The following PAX9 variants were observed in gnomAD, a reference collection of about 807,000 sequenced individuals.
The protein encoded by PAX9 is paired box protein Pax-9.
Under a neutral mutation model 29.1 loss-of-function variants are expected in PAX9, and 6 were observed. The observed-to-expected ratio is 0.21, with a 90% confidence interval of 0.11 to 0.41. The LOEUF is 0.41. PAX9 is among the 10% of genes least tolerant of loss of function. The pLI, the probability that PAX9 is intolerant of heterozygous loss-of-function variation, is 1.00. For missense variants in PAX9, 443 were observed against 479.1 expected (o/e 0.92, Z 0.70); for synonymous variants, 217 against 211.7 (o/e 1.03, Z -0.22).
chr14:36,667,842 C>T (rs1056648040), intron 3 of PAX9, among the ~76,000 whole-genome samples: 1 of 152,164 alleles, frequency 6.6e-6, no homozygotes, highest in Non-Finnish European at 1.5e-5. Context: ...TTGTCATTTT[C>T]TTTTACTAAA....
chr14:36,672,852 C>CATTTTTTTTTTTTT, intron 3 of PAX9, among the ~76,000 whole-genome samples: 1 of 19,146 alleles, frequency 5.2e-5, no homozygotes. Context: ...TTCTTTCTTC[C>CATTTTTTTTTTTTT]TTTTTTTTTT....
chr14:36,657,822 C>G (rs867323338), upstream of PAX9: 9 of 152,252 alleles, frequency 5.9e-5, no homozygotes, highest in African/African-American at 2.2e-4. Flanking sequence ...ATCTTCCGGC[C>G]GAGCTCTGCT....
upstream of PAX9, among the ~76,000 whole-genome samples, chr14:36,659,279 G>T (rs907819021): frequency 6.6e-6 from 1 of 152,162 alleles, no homozygotes; most frequent in African/African-American, 2.4e-5. Flanking sequence ...CATTCATCGG[G>T]ACTGACCAGA....
rs752738994 is a variant in PAX9, at chr14:36,663,571, C to G, written c.631+48C>G. 1.1e-5 allele frequency: 17 copies of G among 1,608,556 alleles called. No individual in the cohort carries two copies. In the African/African-American group the frequency reaches 2.0e-4, roughly 19 times the overall value. ...TGTGGATGTGCAGCGTCTGCCCCCG[C>G]ACTCTCGCGGAGGTCCCAGTATCTG... is the stretch of plus-strand genomic sequence containing the variant. On this transcript the variant is annotated intron_variant, in intron 2 of 3. Transcript: ENST00000361487.
Position 36,679,330 on chromosome 14 carries a change from C to CAAA in PAX9, c.*2879_*2881dup. On this transcript the variant is annotated 3_prime_UTR_variant, in exon 4 of 4. Transcript: ENST00000361487. ...TCAAAAGCCTTTTATTTTTATACTTCAAATGCTCTAAATTAATAAAAAGTA... is the reference window on the plus strand; with the variant it reads ...TCAAAAGCCTTTTATTTTTATACTTCAAAAAATGCTCTAAATTAATAAAAAGTA... 1 of 970,016 alleles carries CAAA rather than the reference C, an allele frequency of 1.0e-6. No homozygotes were observed. 60.1% of individuals were successfully genotyped at this position (970,016 alleles called of 1,614,324 possible).
At chr14:36,662,233 C>T (rs974392700) in intron 1 of PAX9, 140 bp downstream of exon 1, 2 of 1,014,294 alleles carry the variant, frequency 2.0e-6, no homozygotes, top group Non-Finnish European at 2.8e-6. Flanking sequence ...CGTGTTCCTA[C>T]AAGTTGTAGG....
intron 3 of PAX9, among the ~76,000 whole-genome samples, chr14:36,670,422 AT>A (rs145205333): frequency 0.013 from 1,990 of 152,178 alleles, 49 homozygotes; most frequent in African/African-American, 0.044. Context: ...TTACTTGCAC[AT>A]GCATTTGAAG....
chr14:36,662,795 G>A, intron 1 of PAX9, 102 bp from the exon 2 acceptor site: 1 of 1,413,390 alleles, frequency 7.1e-7, no homozygotes. Context: ...GTAGGGGACG[G>A]GTGCGTTCGC....
At chr14:36,671,048 G>A (rs1234056360) in intron 3 of PAX9, 3 of 435,084 alleles carry the variant, frequency 6.9e-6, no homozygotes, top group South Asian at 3.3e-5. Context: ...TTTATTTTCA[G>A]ATCCAAAACT....
At chr14:36,675,769 T>C (rs1881862738) in intron 3 of PAX9, among the ~76,000 whole-genome samples, 1 of 152,158 alleles carries the variant, frequency 6.6e-6, no homozygotes, top group Non-Finnish European at 1.5e-5. Context: ...ATGAAAGTTA[T>C]ACCAACCAGG....
At chr14:36,668,604 G>A (rs1289185845) in intron 3 of PAX9, among the ~76,000 whole-genome samples, 2 of 152,064 alleles carry the variant, frequency 1.3e-5, no homozygotes, top group Non-Finnish European at 2.9e-5. Context: ...GGCCTGGCTG[G>A]TCTTGATCTC....
In PAX9 at chr14:36,666,611, C is replaced by G. The variant is rs1185882575; in HGVS notation, c.771+10C>G. 1 of 1,560,408 alleles carries G rather than the reference C, an allele frequency of 6.4e-7. No homozygotes were observed. The highest frequency in any genetic ancestry group is 1.9e-5 in the Admixed American group (1 of 51,782). ...AGCCAAGTACGGTCAGGTGAGGAGG[C>G]GAGGGTCAGGCCAGGTGGGCCGCGT... is the stretch of plus-strand genomic sequence containing the variant. On this transcript the variant is annotated intron_variant, in intron 3 of 3. Transcript: ENST00000361487.
upstream of PAX9, chr14:36,661,710 G>C: frequency 5.6e-6 from 2 of 357,406 alleles, no homozygotes; most frequent in South Asian, 4.9e-5. Flanking sequence ...CCCAGGTGGG[G>C]AGCTAGCCTG....
chr14:36,662,083 C>A lies in PAX9; in HGVS notation c.-7C>A, dbSNP rs1881292452. ...ACTGGGGCCGGGTTGGTGTACTGCTCGGAGCAATGGGTGAGTGGCGGCGGG... is the reference window on the plus strand; with the variant it reads ...ACTGGGGCCGGGTTGGTGTACTGCTAGGAGCAATGGGTGAGTGGCGGCGGG... On this transcript the variant is annotated 5_prime_UTR_variant, in exon 1 of 4. The change creates a premature stop within an existing upstream ORF in the 5' untranslated region. Coordinates refer to ENST00000361487, the MANE Select transcript of PAX9 (RefSeq NM_001372076.1). The A allele has an allele frequency of 1.5e-6, 2 of 1,349,934 alleles. No individual in the cohort carries two copies. The highest frequency in any genetic ancestry group is 2.3e-5 in the Admixed American group (1 of 44,140). 83.6% of individuals were successfully genotyped at this position (1,349,934 alleles called of 1,614,324 possible).
Position 36,663,102 on chromosome 14 carries a change from C to T in PAX9, c.210C>T (p.Ala70=), listed in dbSNP as rs372642425. 3.1e-6 allele frequency: 5 copies of T among 1,613,870 alleles called. No individual in the cohort carries two copies. The African/African-American group carries it at 5.3e-5, about 17-fold the overall frequency. ...YNETGSILPG[A]IGGSKPRVTT... Reference sequence around the variant, plus strand: ...AGACGGGCTCGATCTTGCCAGGAGCCATCGGGGGCAGCAAGCCCCGGGTCA... The same window carrying T: ...AGACGGGCTCGATCTTGCCAGGAGCTATCGGGGGCAGCAAGCCCCGGGTCA... Residue 70 remains alanine, a synonymous_variant, in exon 2 of 4, where the codon GCC becomes GCT. Transcript: ENST00000361487.
At chr14:36,675,295 GTGT>G (rs1881842213) in intron 3 of PAX9, among the ~76,000 whole-genome samples, 1 of 152,202 alleles carries the variant, frequency 6.6e-6, no homozygotes, top group South Asian at 2.1e-4. Context: ...GGTGTTTTTA[GTGT>G]TGTTAATAGT....
At position 36,662,963 on chromosome 14, in the gene PAX9, C is replaced by T; in HGVS notation, c.71C>T (p.Ala24Val). 1 of 1,613,484 alleles carries T rather than the reference C, an allele frequency of 6.2e-7. No homozygotes were observed. Among genetic ancestry groups the T allele is most frequent in the Admixed American group, 1.7e-5 (1 of 60,034 alleles). The change falls in exon 2 of 4, where the codon GCC becomes GTC. Residue 24 changes from alanine (A) to valine (V), a missense_variant. Around this residue, in one of 2 missense-constraint regions of PAX9, gnomAD observed 107 missense variants for 161.9 expected, o/e 0.66. Coordinates refer to ENST00000361487, the MANE Select transcript of PAX9 (RefSeq NM_001372076.1). The part of the protein sequence containing the change: ...VFVNGRPLPN[A>V]IRLRIVELAQ... Reference sequence around the variant, plus strand: ...GTGAACGGGAGGCCGCTGCCCAACGCCATCCGGCTTCGCATCGTGGAACTG... The same window carrying T: ...GTGAACGGGAGGCCGCTGCCCAACGTCATCCGGCTTCGCATCGTGGAACTG...
chr14:36,671,481 A>AAAGCAAGTGATTT (rs371593295), intron 3 of PAX9, among the ~76,000 whole-genome samples: 4,090 of 152,218 alleles, frequency 0.027, 176 homozygotes, highest in African/African-American at 0.094. Flanking sequence ...TTAAAGTGTA[A>AAAGCAAGTGATTT]TGCTTGTTTT....
intron 1 of PAX9, among the ~76,000 whole-genome samples, 155 bp downstream of exon 1, chr14:36,662,248 C>A (rs1354137766): frequency 2.0e-5 from 3 of 151,956 alleles, no homozygotes; most frequent in Non-Finnish European, 4.4e-5. Context: ...TGTAGGAACA[C>A]GCTAAGGGTC....
Sources: gnomAD v4.1 joint callset for allele counts (sites outside exome capture counted in the v4.1 genomes callset) on GRCh38, gnomAD v4.1.1 for gene constraint, gnomAD v4.1.1 regional missense constraint, MANE v1.5 for transcripts, NCBI Gene and HGNC (gene_info 2026-07-23, HGNC 2026-07-21) for gene names.